MACROD2: variants seen among roughly 807,000 people sequenced by gnomAD.
MACROD2 encodes the protein ADP-ribose glycohydrolase MACROD2.
Under a neutral mutation model 70.4 loss-of-function variants are expected in MACROD2, and 36 were observed. That is an observed-to-expected ratio of 0.51 (90% CI 0.39 to 0.68). The LOEUF is 0.68. MACROD2 is among the 30% of genes least tolerant of loss of function. The probability of loss-of-function intolerance (pLI) is 0.00; values close to 1 mark genes in which losing one functional copy is unlikely to be tolerated. For synonymous variants in MACROD2, 172 were observed against 178.8 expected (o/e 0.96, Z 0.30); for missense variants, 496 against 538.4 (o/e 0.92, Z 0.78).
intron 5 of MACROD2, among the ~76,000 whole-genome samples, chr20:15,131,866 A>T (rs141227940): frequency 3.7e-4 from 57 of 152,180 alleles, no homozygotes; most frequent in Admixed American, 6.5e-4. Flanking sequence ...TATATCAATG[A>T]ATATGAATGT....
intron 8 of MACROD2, among the ~76,000 whole-genome samples, chr20:15,817,770 C>T (rs2063893122): frequency 6.6e-6 from 1 of 152,114 alleles, no homozygotes; most frequent in African/African-American, 2.4e-5. Flanking sequence ...CCTTTAAAGT[C>T]CAGATGAAGG....
chr20:15,556,024 C>T (rs1016041560), intron 8 of MACROD2, among the ~76,000 whole-genome samples: 1 of 152,018 alleles, frequency 6.6e-6, no homozygotes, highest in African/African-American at 2.4e-5. Flanking sequence ...AAATGGGACT[C>T]TTTGGAACTC....
chr20:15,042,276 A>G (rs958841238), intron 5 of MACROD2, among the ~76,000 whole-genome samples: 2 of 152,216 alleles, frequency 1.3e-5, no homozygotes, highest in African/African-American at 4.8e-5. Context: ...AAGAGTTTCT[A>G]AAGTAGCCAA....
At chr20:14,003,626 C>T in intron 2 of MACROD2, 1 of 455,076 alleles carries the variant, frequency 2.2e-6, no homozygotes, top group Non-Finnish European at 4.4e-6. Context: ...GATTTGCTGC[C>T]CACCACCCCG....
At chr20:14,813,556 G>A (rs953435441) in intron 5 of MACROD2, among the ~76,000 whole-genome samples, 3 of 152,026 alleles carry the variant, frequency 2.0e-5, no homozygotes, top group African/African-American at 7.2e-5. Context: ...TGGCTGCATA[G>A]TATTCCATGG....
At chr20:14,561,155 G>A (rs1180330913) in intron 4 of MACROD2, among the ~76,000 whole-genome samples, 1 of 151,836 alleles carries the variant, frequency 6.6e-6, no homozygotes, top group African/African-American at 2.4e-5. Flanking sequence ...TACTGCATGT[G>A]TACCAAAGAA....
intron 3 of MACROD2, among the ~76,000 whole-genome samples, chr20:14,388,485 G>T (rs73901238): frequency 0.11 from 16,549 of 152,174 alleles, 1,106 homozygotes; most frequent in East Asian, 0.21. Context: ...ACTGTAAACA[G>T]TTGATTAACA....
chr20:14,547,726 C>G (rs1304541050), intron 4 of MACROD2: 1 of 152,284 alleles, frequency 6.6e-6, no homozygotes, highest in African/African-American at 2.4e-5. Context: ...CTTACTATTT[C>G]CCATGATCCT....
intron 6 of MACROD2, among the ~76,000 whole-genome samples, chr20:15,304,240 G>T (rs924205325): frequency 4.6e-5 from 7 of 152,296 alleles, no homozygotes; most frequent in Admixed American, 3.9e-4. Context: ...GGAGCGAGTT[G>T]TCTTAGATTC....
At chr20:15,685,577 G>A (rs1382864082) in intron 8 of MACROD2, among the ~76,000 whole-genome samples, 1 of 152,132 alleles carries the variant, frequency 6.6e-6, no homozygotes, top group Non-Finnish European at 1.5e-5. Flanking sequence ...TAGACAAGGG[G>A]GAAGACTCAT....
At chr20:14,120,822 A>C (rs1199658054) in intron 3 of MACROD2, among the ~76,000 whole-genome samples, 1 of 150,788 alleles carries the variant, frequency 6.6e-6, no homozygotes, top group African/African-American at 2.4e-5. Context: ...AGAAAACCAA[A>C]CACCACATGT....
At chr20:15,266,139 C>CA (rs1555798931) in intron 6 of MACROD2, among the ~76,000 whole-genome samples, 2 of 151,258 alleles carry the variant, frequency 1.3e-5, no homozygotes, top group Non-Finnish European at 2.9e-5. Flanking sequence ...ATGTGGATCA[C>CA]TTTTTTTTTA....
chr20:14,573,270 ATTTTATATAATGTTTG>A (rs1980340847), intron 4 of MACROD2, among the ~76,000 whole-genome samples: 1 of 152,136 alleles, frequency 6.6e-6, no homozygotes. Context: ...ATTATGTATT[ATTTTATATAATGTTTG>A]TTTACTAGAA....
intron 3 of MACROD2, among the ~76,000 whole-genome samples, chr20:14,463,374 C>T (rs879626370): frequency 6.6e-5 from 10 of 151,804 alleles, no homozygotes; most frequent in Admixed American, 1.3e-4. Context: ...GTGATTTTTG[C>T]ACATTGATTT....
At chr20:15,420,771 A>G (rs1298761184) in intron 6 of MACROD2, among the ~76,000 whole-genome samples, 1 of 152,148 alleles carries the variant, frequency 6.6e-6, no homozygotes, top group Non-Finnish European at 1.5e-5. Context: ...ACCAGAATAT[A>G]TTAGGTAGAA....
At chr20:14,467,738 G>A (rs976363599) in intron 3 of MACROD2, among the ~76,000 whole-genome samples, 4 of 152,118 alleles carry the variant, frequency 2.6e-5, no homozygotes, top group African/African-American at 9.7e-5. Flanking sequence ...GCATTCTCCT[G>A]TGGGCATTTA....
chr20:14,601,728 A>G (rs2123406096), intron 4 of MACROD2, among the ~76,000 whole-genome samples: 1 of 152,196 alleles, frequency 6.6e-6, no homozygotes, highest in South Asian at 2.1e-4. Flanking sequence ...AGCACTGGAA[A>G]TCACTCCTTA....
In MACROD2 at chr20:15,648,199, G is replaced by T. The variant is rs369070057; in HGVS notation, c.645+148352G>T. ...GATGAAGATAGAAGCCAAGGCTGTGGAAATAAGAGAAAGTAATAGATTAAA... is the reference window on the plus strand; with the variant it reads ...GATGAAGATAGAAGCCAAGGCTGTGTAAATAAGAGAAAGTAATAGATTAAA... On this transcript the variant is annotated intron_variant, in intron 8 of 17. Transcript: ENST00000684519. Among the ~76,000 whole-genome samples the T allele has an allele frequency of 3.7e-4, 57 of 152,284 alleles. 1 individual carries two copies. In the East Asian group the frequency reaches 7.9e-3, roughly 21 times the overall value.
intron 8 of MACROD2, among the ~76,000 whole-genome samples, chr20:15,523,120 G>C (rs1191086228): frequency 6.6e-6 from 1 of 152,104 alleles, no homozygotes; most frequent in East Asian, 1.9e-4. Flanking sequence ...GCCATCTATG[G>C]CAGTCTCTGA....
Sources: allele counts gnomAD v4.1 joint callset (sites outside exome capture counted in the v4.1 genomes callset), GRCh38; gene constraint gnomAD v4.1.1; transcripts MANE v1.5; gene names NCBI Gene and HGNC (gene_info 2026-07-23, HGNC 2026-07-21).